Variants in SERBP1 observed in about 807,000 individuals in gnomAD.
SERBP1 encodes SERPINE1 mRNA binding protein 1, also known as SERPINE1 mRNA-binding protein 1.
A neutral mutation model predicts 50.2 loss-of-function variants in SERBP1; 6 were observed. The observed-to-expected ratio is 0.12, with a 90% CI of 0.07 to 0.24. The LOEUF is 0.24. SERBP1 is among the 10% of genes least tolerant of loss of function. The pLI, the probability that SERBP1 is intolerant of heterozygous loss-of-function variation, is 1.00. For missense variants in SERBP1, 346 were observed against 524.9 expected, an observed-to-expected ratio of 0.66 and a Z score of 3.33; for synonymous variants, 168 against 182.8, an observed-to-expected ratio of 0.92 and a Z score of 0.65.
At chr1:67,413,826 G>A (rs932691822) in intron 7 of SERBP1, among the ~76,000 whole-genome samples, 8 of 148,834 alleles carry the variant, frequency 5.4e-5, no homozygotes, top group Admixed American at 2.7e-4. Flanking sequence ...CTTTTTTTTT[G>A]GAGACAGTCT....
At chr1:67,414,714 G>A (rs17505474) in intron 7 of SERBP1, among the ~76,000 whole-genome samples, 3,388 of 152,246 alleles carry the variant, frequency 0.022, 62 homozygotes, top group Non-Finnish European at 0.032. Flanking sequence ...CCTAAGTGTC[G>A]TAAGAGGAAT....
At position 67,410,319 on chromosome 1, in the gene SERBP1, T is replaced by C. The variant is rs570442985; in HGVS notation, c.*2888A>G. 1 of 152,324 alleles carries C rather than the reference T, an allele frequency of 6.6e-6. No homozygotes were observed. The highest frequency in any genetic ancestry group is 2.1e-4 in the South Asian group (1 of 4,830). The allele number at this position is 152,324 out of a possible 1,614,324, so 9.4% of individuals were successfully genotyped here. On this transcript the variant is annotated 3_prime_UTR_variant, in exon 8 of 8. Coordinates refer to ENST00000361219, the MANE Select transcript of SERBP1 (RefSeq NM_001018069.2). The stretch of plus-strand genomic sequence containing the variant: ...GCTTTGTATGCAACTCCCTGTTCTA[T>C]TTCAGTGCAACCATCTCTGGCAACT...
chr1:67,427,055 A>G (rs2100443902), intron 1 of SERBP1, among the ~76,000 whole-genome samples: 1 of 152,318 alleles, frequency 6.6e-6, no homozygotes, highest in Middle Eastern at 3.4e-3. Context: ...ATCCCTAAGT[A>G]CTTCCAAGTT....
At chr1:67,422,308 T>C (rs571967928) in intron 5 of SERBP1, among the ~76,000 whole-genome samples, 1 of 151,104 alleles carries the variant, frequency 6.6e-6, no homozygotes, top group East Asian at 2.0e-4. Flanking sequence ...GAGGTCAGAG[T>C]TCGAGATCAG....
chr1:67,429,944 C>T (rs1403523018), intron 1 of SERBP1, 44 bp downstream of exon 1: 2 of 1,531,234 alleles, frequency 1.3e-6, no homozygotes, highest in Non-Finnish European at 1.8e-6. Flanking sequence ...CCCCTCGCTC[C>T]TTCCCTCCAT....
At position 67,409,430 on chromosome 1, in the gene SERBP1, C is replaced by CACACACACACACACA. The variant is rs1264200348; in HGVS notation, c.*3776_*3777insTGTGTGTGTGTGTGT. On this transcript the variant is annotated 3_prime_UTR_variant, in exon 8 of 8. Coordinates refer to ENST00000361219, the MANE Select transcript of SERBP1 (RefSeq NM_001018069.2). ...ACACACACACACACACCCCCACACA[C>CACACACACACACACA]ACCAGGTCACAGGCTGAACTTTGCT... 11 of 148,464 alleles carry CACACACACACACACA rather than the reference C, an allele frequency of 7.4e-5. No individual in the cohort carries two copies. The highest frequency in any genetic ancestry group is 2.3e-4 in the African/African-American group (9 of 39,062). 9.2% of individuals were successfully genotyped at this position (148,464 alleles called of 1,614,324 possible).
intron 6 of SERBP1, among the ~76,000 whole-genome samples, chr1:67,418,793 G>C (rs985256831): frequency 6.6e-6 from 1 of 152,020 alleles, no homozygotes; most frequent in African/African-American, 2.4e-5. Flanking sequence ...ATACCTTATT[G>C]AAAGGGTTTG....
In SERBP1 at chr1:67,407,948, G is replaced by A. The variant is rs1244531786; in HGVS notation, c.*5259C>T. ...GCTTTAAACAGAATCTTCATTCTAG[G>A]TATATAAAAACTGTTTCTTTAAATT... On this transcript the variant is annotated 3_prime_UTR_variant, in exon 8 of 8. Transcript: ENST00000361219. The A allele has an allele frequency of 6.6e-6, 1 of 152,134 alleles. No homozygotes were observed. Among genetic ancestry groups the A allele is most frequent in the African/African-American group, 2.4e-5 (1 of 41,424 alleles). The allele number at this position is 152,134 out of a possible 1,614,324, so 9.4% of individuals were successfully genotyped here.
chr1:67,413,203 C>G lies in SERBP1; in HGVS notation c.*4G>C, dbSNP rs1666895386. 1.9e-6 allele frequency: 3 copies of G among 1,597,386 alleles called. No individual in the cohort carries two copies. In the South Asian group the frequency reaches 3.4e-5, roughly 18 times the overall value. On this transcript the variant is annotated 3_prime_UTR_variant, in exon 8 of 8. Transcript: ENST00000361219. The stretch of plus-strand genomic sequence containing the variant: ...AGGAACCAGGGTTGTCTTATGGCAT[C>G]CAGTTAAGCCAGAGCTGGGAATGCC...
intron 7 of SERBP1, among the ~76,000 whole-genome samples, chr1:67,414,522 T>C (rs1264524838): frequency 2.0e-5 from 3 of 152,228 alleles, no homozygotes; most frequent in Admixed American, 6.5e-5. Context: ...ATTATGGTTG[T>C]TTCCAAGCAT....
chr1:67,413,785 A>G (rs1369223216), intron 7 of SERBP1, among the ~76,000 whole-genome samples: 5 of 152,062 alleles, frequency 3.3e-5, no homozygotes, highest in Non-Finnish European at 7.4e-5. Flanking sequence ...TTTTCATTCC[A>G]GAGTAATAAT....
intron 5 of SERBP1, among the ~76,000 whole-genome samples, chr1:67,423,534 G>A (rs1263758841): frequency 6.6e-6 from 1 of 151,806 alleles, no homozygotes; most frequent in Non-Finnish European, 1.5e-5. Context: ...TTGAGCCCAG[G>A]AGGCGGAGGG....
intron 1 of SERBP1, among the ~76,000 whole-genome samples, chr1:67,427,862 A>G (rs1557508717): frequency 1.3e-5 from 2 of 152,358 alleles, no homozygotes; most frequent in South Asian, 4.1e-4. Flanking sequence ...CAAGGCATTC[A>G]TTCTTTTTTA....
At position 67,410,424 on chromosome 1, in the gene SERBP1, C is replaced by T. The variant is rs1302017241; in HGVS notation, c.*2783G>A. 6.6e-6 allele frequency: 1 copy of T among 152,064 alleles called. No individual in the cohort carries two copies. The highest frequency in any genetic ancestry group is 1.5e-5 in the Non-Finnish European group (1 of 68,016). The allele number at this position is 152,064 out of a possible 1,614,324, so 9.4% of individuals were successfully genotyped here. ...CAAAAACAAGCCCCAAATATATTTA[C>T]AACCCTGGAAATGATGTGTACTACT... On this transcript the variant is annotated 3_prime_UTR_variant, in exon 8 of 8. Transcript: ENST00000361219.
intron 1 of SERBP1, among the ~76,000 whole-genome samples, 193 bp from the exon 2 acceptor site, chr1:67,426,478 C>A (rs770462438): frequency 1.3e-5 from 2 of 152,084 alleles, no homozygotes; most frequent in Non-Finnish European, 2.9e-5. Context: ...ACCTTCCAAT[C>A]CATACCACCG....
At chr1:67,414,423 T>TA (rs1243878037) in intron 7 of SERBP1, among the ~76,000 whole-genome samples, 1 of 152,128 alleles carries the variant, frequency 6.6e-6, no homozygotes, top group Non-Finnish European at 1.5e-5. Context: ...CTGGCAATGG[T>TA]AAGTTACCCC....
At chr1:67,425,317 G>A in intron 2 of SERBP1, 94 bp from the exon 3 acceptor site, 2 of 1,219,440 alleles carry the variant, frequency 1.6e-6, no homozygotes, top group Non-Finnish European at 2.2e-6. Context: ...CATGTTTACT[G>A]GCTCAAAAAC....
chr1:67,409,602 CTTG>C lies in SERBP1; in HGVS notation c.*3602_*3604del, dbSNP rs1666763490. The C allele has an allele frequency of 6.6e-6, 1 of 152,040 alleles. No homozygotes were observed. Among genetic ancestry groups the C allele is most frequent in the African/African-American group, 2.4e-5 (1 of 41,390 alleles). 9.4% of individuals were successfully genotyped at this position (152,040 alleles called of 1,614,324 possible). ...AAGCTTCTCATGTTTAGATTACAAC[CTTG>C]TTTTCACTATATTCTTGAAATTACC... On this transcript the variant is annotated 3_prime_UTR_variant, in exon 8 of 8. Coordinates refer to ENST00000361219, the MANE Select transcript of SERBP1 (RefSeq NM_001018069.2).
At chr1:67,428,771 TACC>T (rs1667470013) in intron 1 of SERBP1, among the ~76,000 whole-genome samples, 2 of 148,798 alleles carry the variant, frequency 1.3e-5, no homozygotes, top group Non-Finnish European at 3.0e-5. Flanking sequence ...AAACAAATCC[TACC>T]ACGAGAAAAT....
Sources: allele counts gnomAD v4.1 joint callset (sites outside exome capture counted in the v4.1 genomes callset), GRCh38; gene constraint gnomAD v4.1.1; transcripts MANE v1.5; gene names NCBI Gene and HGNC (gene_info 2026-07-23, HGNC 2026-07-21).